ATP2A3: variants seen among roughly 807,000 people sequenced by gnomAD.
ATP2A3 encodes the protein sarcoplasmic/endoplasmic reticulum calcium ATPase 3.
Under a neutral mutation model 106.8 loss-of-function variants are expected in ATP2A3, and 61 were observed. That is an observed-to-expected ratio of 0.57 (90% CI 0.46 to 0.71). The LOEUF (loss-of-function observed/expected upper bound fraction) is 0.71. ATP2A3 is among the 30% of genes least tolerant of loss of function. The pLI, the probability that ATP2A3 is intolerant of heterozygous loss-of-function variation, is 0.00. For missense variants in ATP2A3, 1,201 were observed against 1,423.5 expected (o/e 0.84, Z 2.52); for synonymous variants, 611 against 609.3 (o/e 1.00, Z -0.04).
rs377061950 is a variant in ATP2A3, at chr17:3,947,472, G to A, written c.1014C>T (p.Ser338=). The change falls in exon 8 of 21, where the codon TCC becomes TCT. Residue 338 remains serine, a synonymous_variant. Coordinates refer to ENST00000397041, the MANE Select transcript of ATP2A3 (RefSeq NM_005173.4). This position sits in a 1 kb window ranked among gnomAD's most constrained non-coding sequence, Gnocchi z 7.7. The part of the protein sequence containing the change: ...RKNAIVRSLP[S]VETLGCTSVI... ...CTGAGGTGCAGCCCAGGGTCTCCAC[G>A]GACGGCAGGCTTCGCACGATGGCGT... 124 of 1,613,702 alleles carry A rather than the reference G, an allele frequency of 7.7e-5. No homozygotes were observed. In the Middle Eastern group the frequency reaches 8.2e-4, roughly 11 times the overall value.
Position 3,953,235 on chromosome 17 carries a change from G to T in ATP2A3, c.219+112C>A. ...AGGGCCAGGGAAGGCCAGGGCGCAG[G>T]CCCAGGGTGTGGAGGACAGGCCCAG... On this transcript the variant is annotated intron_variant, in intron 3 of 20. Coordinates refer to ENST00000397041, the MANE Select transcript of ATP2A3 (RefSeq NM_005173.4). The surrounding 1 kb of genome is among the most constrained non-coding windows in gnomAD (Gnocchi z 5.1). 1 of 1,242,636 alleles carries T rather than the reference G, an allele frequency of 8.0e-7. No individual in the cohort carries two copies. The highest frequency in any genetic ancestry group is 1.2e-6 in the Non-Finnish European group (1 of 844,552). 77.0% of individuals were successfully genotyped at this position (1,242,636 alleles called of 1,614,324 possible). A position where few individuals can be genotyped will look rare whatever the true frequency, so the allele number is the denominator to read the frequency against.
At position 3,953,767 on chromosome 17, in the gene ATP2A3, G is replaced by A. The variant is rs367978633; in HGVS notation, c.119-57C>T. The A allele has an allele frequency of 1.1e-3, 1,736 of 1,551,070 alleles. 6 individuals are homozygous for A. The highest frequency in any genetic ancestry group is 1.2e-3 in the Non-Finnish European group (1,397 of 1,144,700). On this transcript the variant is annotated intron_variant, in intron 1 of 20. Coordinates refer to ENST00000397041, the MANE Select transcript of ATP2A3 (RefSeq NM_005173.4). This position sits in a 1 kb window ranked among gnomAD's most constrained non-coding sequence, Gnocchi z 5.1. ...AGGAGACAAGAGAGGAGTGGGTCAC[G>A]CAGGGGCCTCGGGGGAGTCTGGCAG...
chr17:3,963,270 G>A (rs530081156), intron 1 of ATP2A3, among the ~76,000 whole-genome samples: 1 of 152,366 alleles, frequency 6.6e-6, no homozygotes, highest in South Asian at 2.1e-4. Context: ...TGTAGATGGT[G>A]AGGGTATTTC....
At chr17:3,957,083 C>T (rs754205727) in intron 1 of ATP2A3, among the ~76,000 whole-genome samples, 47 of 152,374 alleles carry the variant, frequency 3.1e-4, no homozygotes, top group Non-Finnish European at 5.0e-4. Flanking sequence ...AATGGGAAGA[C>T]GCTGGGGACC....
In ATP2A3 at chr17:3,926,575, G is replaced by A. The variant is rs962876956; in HGVS notation, c.2981-1134C>T. Among the ~76,000 whole-genome samples the A allele has an allele frequency of 1.3e-5, 2 of 151,968 alleles. No homozygotes were observed. The highest frequency in any genetic ancestry group is 4.2e-4 in the South Asian group (2 of 4,810). On this transcript the variant is annotated intron_variant, in intron 20 of 20. Transcript: ENST00000397041. This position sits in a 1 kb window ranked among gnomAD's most constrained non-coding sequence, Gnocchi z 4.6. Reference sequence around the variant, plus strand: ...GGTGTTAGTCTCACCCTCTCTTTTTGGGGGAGAGTGGGGGAACAGAGTTTT... The same window carrying A: ...GGTGTTAGTCTCACCCTCTCTTTTTAGGGGAGAGTGGGGGAACAGAGTTTT...
At chr17:3,940,047 T>TG (rs1399483358) in intron 14 of ATP2A3, among the ~76,000 whole-genome samples, 7 of 100,522 alleles carry the variant, frequency 7.0e-5, no homozygotes, top group African/African-American at 1.5e-4. Flanking sequence ...TTTTTTGTTT[T>TG]TTGTTTTTTT....
intron 1 of ATP2A3, among the ~76,000 whole-genome samples, chr17:3,956,179 G>T (rs1597671470): frequency 6.6e-6 from 1 of 152,100 alleles, no homozygotes; most frequent in Admixed American, 6.6e-5. Context: ...ACCGCGCCCG[G>T]CTCAGTTCAC....
rs371209540 is a variant in ATP2A3 at position 3,951,589 on chromosome 17, C to T, written c.316G>A (p.Val106Met). Residue 106 changes from valine to methionine, a missense_variant, in exon 4 of 21, where the codon GTG becomes ATG. This residue lies in a region of ATP2A3 where 266 missense variants were observed against 246.8 expected (regional missense o/e 1.08). Coordinates refer to ENST00000397041, the MANE Select transcript of ATP2A3 (RefSeq NM_005173.4). ...LILVANAIVGVWQERNAESAI... is the reference protein window; with the variant it reads ...LILVANAIVGMWQERNAESAI... ...CCCCCAGTGCCTCCCACCTGCCACA[C>T]GCCCACAATGGCGTTGGCCACGAGG... 67 of 1,597,848 alleles carry T rather than the reference C, an allele frequency of 4.2e-5. No individual in the cohort carries two copies. The highest frequency in any genetic ancestry group is 3.4e-4 in the African/African-American group (25 of 74,336).
chr17:3,925,505 C>T lies in ATP2A3; in HGVS notation c.2981-64G>A, dbSNP rs2052656050. The T allele has an allele frequency of 6.5e-6, 10 of 1,548,310 alleles. No homozygotes were observed. The South Asian group carries it at 7.0e-5, about 11-fold the overall frequency. On this transcript the variant is annotated intron_variant, in intron 20 of 20. Coordinates refer to ENST00000397041, the MANE Select transcript of ATP2A3 (RefSeq NM_005173.4). This position sits in a 1 kb window ranked among gnomAD's most constrained non-coding sequence, Gnocchi z 4.2. ...TAAGGGCACACATCCAGACAGCTTC[C>T]TTCCAGCCCCTTCCATCCTCCACTT...
rs369293780 is a variant in ATP2A3, at chr17:3,953,441, G to C, written c.137-12C>G. 71 of 1,613,584 alleles carry C rather than the reference G, an allele frequency of 4.4e-5. No individual in the cohort carries two copies. The highest frequency in any genetic ancestry group is 5.8e-5 in the Non-Finnish European group (68 of 1,179,860). ...CCACAGGGACTTCCCTGGGAACGGG[G>C]GTCATGTGTGAGGCTGGGCCCCCAC... On this transcript the variant is annotated splice_polypyrimidine_tract_variant and intron_variant, in intron 2 of 20. Coordinates refer to ENST00000397041, the MANE Select transcript of ATP2A3 (RefSeq NM_005173.4). The surrounding 1 kb of genome is among the most constrained non-coding windows in gnomAD (Gnocchi z 5.1).
At chr17:3,948,138 A>G (rs887028549) in intron 7 of ATP2A3, among the ~76,000 whole-genome samples, 1 of 152,198 alleles carries the variant, frequency 6.6e-6, no homozygotes, top group Admixed American at 6.5e-5. Flanking sequence ...GATATTGATG[A>G]TATAATCAAC....
rs2054173061 is a variant in ATP2A3 at position 3,947,414 on chromosome 17, T to C, written c.1072A>G (p.Thr358Ala). The C allele has an allele frequency of 6.2e-7, 1 of 1,613,870 alleles. No homozygotes were observed. Among genetic ancestry groups the C allele is most frequent in the Non-Finnish European group, 8.5e-7 (1 of 1,180,038 alleles). ...ICSDKTGTLT[T>A]NQMSVCRMFV... ...ACCCGGCAGACAGACATCTGATTGG[T>C]GGTGAGCGTGCCCGTCTTGTCGGAG... Residue 358 changes from threonine to alanine, a missense_variant, in exon 8 of 21, where the codon ACC (threonine) becomes GCC (alanine). Around this residue, in one of 2 missense-constraint regions of ATP2A3, gnomAD observed 935 missense variants for 1,176.7 expected, o/e 0.79. Coordinates refer to ENST00000397041, the MANE Select transcript of ATP2A3 (RefSeq NM_005173.4). The surrounding 1 kb of genome is among the most constrained non-coding windows in gnomAD (Gnocchi z 7.7).
intron 1 of ATP2A3, among the ~76,000 whole-genome samples, chr17:3,961,595 A>G (rs1183166225): frequency 6.6e-6 from 1 of 152,166 alleles, no homozygotes; most frequent in Admixed American, 6.5e-5. Flanking sequence ...ACTTAAGCAA[A>G]TGACTTCCTT....
intron 17 of ATP2A3, among the ~76,000 whole-genome samples, chr17:3,931,900 T>C (rs2053123550): frequency 6.6e-6 from 1 of 152,226 alleles, no homozygotes; most frequent in African/African-American, 2.4e-5. Context: ...AATGCCCGGC[T>C]GTCTGATCTA....
At chr17:3,963,826 C>T (rs1028375159) in intron 1 of ATP2A3, among the ~76,000 whole-genome samples, 7 of 152,154 alleles carry the variant, frequency 4.6e-5, no homozygotes, top group Non-Finnish European at 8.8e-5. Context: ...TGCAGGATGC[C>T]AGCGGGAGCG....
intron 1 of ATP2A3, among the ~76,000 whole-genome samples, chr17:3,961,454 G>A (rs1479081506): frequency 6.6e-6 from 1 of 151,026 alleles, no homozygotes; most frequent in African/African-American, 2.4e-5. Context: ...TGGCTAGCGT[G>A]CTCACTGACT....
In ATP2A3 at chr17:3,964,191, T is replaced by C. The variant is rs2144824176; in HGVS notation, c.101A>G (p.Glu34Gly). The C allele has an allele frequency of 1.6e-6, 2 of 1,233,046 alleles. No homozygotes were observed. The highest frequency in any genetic ancestry group is 2.0e-5 in the South Asian group (1 of 49,800). 76.4% of individuals were successfully genotyped at this position (1,233,046 alleles called of 1,614,324 possible). Residue 34 changes from glutamate (E) to glycine (G), a missense_variant, in exon 1 of 21, where the codon GAG becomes GGG. By Grantham distance (98) the Glu-to-Gly change is moderately conservative (BLOSUM62 -2). This residue lies in a region of ATP2A3 where 266 missense variants were observed against 246.8 expected (regional missense o/e 1.08). Coordinates refer to ENST00000397041, the MANE Select transcript of ATP2A3 (RefSeq NM_005173.4). ...LSPAQVTGAR[E>G]RYGPNELPSE... is the part of the protein sequence containing the mutation. ...GCGCTCACCGTTGGGGCCGTAGCGC[T>C]CCCGCGCGCCGGTCACCTGCGCCGG...
chr17:3,935,454 CA>C (rs2053383307), intron 16 of ATP2A3, among the ~76,000 whole-genome samples, 177 bp from the exon 17 acceptor site: 2 of 152,162 alleles, frequency 1.3e-5, no homozygotes, highest in South Asian at 4.1e-4. Context: ...GGTCAATCAG[CA>C]TCTGCCATAC....
Position 3,964,283 on chromosome 17 carries a change from CG to C in ATP2A3, c.8del (p.Ala3GlyfsTer16). ME[A>X]AHLLPAADVL... The stretch of plus-strand genomic sequence containing the variant: ...CGTCGGCGGCCGGGAGCAGATGCGC[CG>C]CCTCCATGCCGCCCGCCCGGCCGTC... On this transcript the variant is annotated frameshift_variant, in exon 1 of 21. Transcript: ENST00000397041. LOFTEE classifies it high-confidence loss of function. 2 of 1,266,444 alleles carry C rather than the reference CG, an allele frequency of 1.6e-6. No individual in the cohort carries two copies. The highest frequency in any genetic ancestry group is 2.0e-6 in the Non-Finnish European group (2 of 992,772). The allele number at this position is 1,266,444 out of a possible 1,614,324, so 78.5% of individuals were successfully genotyped here. A position where few individuals can be genotyped will look rare whatever the true frequency, so the allele number is the denominator to read the frequency against.
Sources: allele counts gnomAD v4.1 joint callset (sites outside exome capture counted in the v4.1 genomes callset), GRCh38; gene constraint gnomAD v4.1.1; regional missense constraint gnomAD v4.1.1; non-coding constraint Gnocchi (gnomAD v3.1); transcripts MANE v1.5; gene names NCBI Gene and HGNC (gene_info 2026-07-23, HGNC 2026-07-21).